Variants in IGF1 observed in about 807,000 individuals in gnomAD.
IGF1 encodes the protein insulin like growth factor 1.
Under a neutral mutation model 13.8 loss-of-function variants are expected in IGF1, and 4 were observed. The ratio of observed to expected loss-of-function variants is 0.29; its 90% CI spans 0.14 to 0.66. The LOEUF is 0.66. Among genes scored for constraint, IGF1 ranks in the 30% least tolerant of loss-of-function variants. The pLI, the probability that IGF1 is intolerant of heterozygous loss-of-function variation, is 0.78. For synonymous variants in IGF1, 76 were observed against 72.6 expected, an observed-to-expected ratio of 1.05 and a Z score of -0.23; for missense variants, 124 against 188.5, an observed-to-expected ratio of 0.66 and a Z score of 2.00.
At chr12:102,406,858 C>T (rs1318578525) in intron 3 of IGF1, among the ~76,000 whole-genome samples, 3 of 151,796 alleles carry the variant, frequency 2.0e-5, no homozygotes, top group Admixed American at 6.6e-5. Flanking sequence ...TTTGGGAGGC[C>T]GAGGTGGGCA....
At chr12:102,475,620 C>T (rs1880969800) in intron 2 of IGF1, 23 bp downstream of exon 2, 2 of 1,613,634 alleles carry the variant, frequency 1.2e-6, no homozygotes, top group Middle Eastern at 1.6e-4. Context: ...TTGAGCAGCA[C>T]ATTGAGAGGG....
chr12:102,445,097 T>C (rs1164696617), intron 2 of IGF1, among the ~76,000 whole-genome samples: 2 of 152,138 alleles, frequency 1.3e-5, no homozygotes, highest in African/African-American at 4.8e-5. Context: ...TTGGTCGATA[T>C]ATCTGTTTAG....
rs776156617 is a variant in IGF1, at chr12:102,406,536, CTA to C, written c.403-3972_403-3971del. Reference sequence around the variant, plus strand: ...CCTATTGACACCAACGAAGGTAAGACTATTAAGAAAACATTGATCCTCCAGCT... The same window carrying C: ...CCTATTGACACCAACGAAGGTAAGACTTAAGAAAACATTGATCCTCCAGCT... On this transcript the variant is annotated intron_variant, in intron 3 of 3. Coordinates refer to ENST00000337514, the MANE Select transcript of IGF1 (RefSeq NM_000618.5). Among the ~76,000 whole-genome samples the C allele has an allele frequency of 1.6e-4, 24 of 152,136 alleles. 1 individual carries two copies. The highest frequency in any genetic ancestry group is 2.6e-4 in the Admixed American group (4 of 15,286).
At position 102,399,124 on chromosome 12, in the gene IGF1, T is replaced by TGC. The variant is rs1470206787; in HGVS notation, c.*3382_*3383insGC. 1 of 152,432 alleles carries TGC rather than the reference T, an allele frequency of 6.6e-6. No individual in the cohort carries two copies. The allele number at this position is 152,432 out of a possible 1,614,324, so 9.4% of individuals were successfully genotyped here. ...TAGGGTGAATGTGTGTGTGTGTGTG[T>TGC]GTGTGTGTGTGTGTGTGTGTGTCTG... On this transcript the variant is annotated 3_prime_UTR_variant, in exon 4 of 4. Coordinates refer to ENST00000337514, the MANE Select transcript of IGF1 (RefSeq NM_000618.5).
chr12:102,410,633 G>A (rs1395742935), intron 3 of IGF1, among the ~76,000 whole-genome samples: 1 of 152,196 alleles, frequency 6.6e-6, no homozygotes, highest in Non-Finnish European at 1.5e-5. Flanking sequence ...CTATTGCAGT[G>A]TTCTTGGGAG....
chr12:102,421,637 T>A (rs779413888), intron 2 of IGF1, among the ~76,000 whole-genome samples: 73 of 152,206 alleles, frequency 4.8e-4, no homozygotes, highest in Non-Finnish European at 9.8e-4. Flanking sequence ...GTAATTGGGA[T>A]TCATTTGTTG....
At chr12:102,441,691 G>A (rs1458509800) in intron 2 of IGF1, among the ~76,000 whole-genome samples, 1 of 152,132 alleles carries the variant, frequency 6.6e-6, no homozygotes, top group Non-Finnish European at 1.5e-5. Context: ...CAAGGAGACT[G>A]GAAAACCTGA....
At chr12:102,460,825 A>T (rs1322882704) in intron 2 of IGF1, among the ~76,000 whole-genome samples, 1 of 152,212 alleles carries the variant, frequency 6.6e-6, no homozygotes, top group Non-Finnish European at 1.5e-5. Context: ...GTTTTGGTCT[A>T]AGTCCAATAC....
At chr12:102,452,793 G>A (rs1232128666) in intron 2 of IGF1, among the ~76,000 whole-genome samples, 7 of 152,170 alleles carry the variant, frequency 4.6e-5, no homozygotes, top group South Asian at 2.1e-4. Context: ...AAAGAGGAGC[G>A]CTTGGGCTGG....
intron 2 of IGF1, among the ~76,000 whole-genome samples, chr12:102,430,934 G>T (rs915751006): frequency 4.6e-5 from 7 of 152,110 alleles, no homozygotes; most frequent in African/African-American, 1.7e-4. Context: ...TTTTCTTGGT[G>T]CTCAACAGGT....
intron 2 of IGF1, among the ~76,000 whole-genome samples, chr12:102,441,953 T>TTCTTCTTCTTCTTCTTTTCTTCTTCTTC (rs1555244154): frequency 2.9e-5 from 4 of 140,198 alleles, no homozygotes; most frequent in Non-Finnish European, 6.3e-5. Flanking sequence ...CTTCTTCTTC[T>TTCTTCTTCTTCTTCTTTTCTTCTTCTTC]TCTTTTTTTT....
chr12:102,437,240 G>GC (rs1353962285), intron 2 of IGF1, among the ~76,000 whole-genome samples: 2 of 152,202 alleles, frequency 1.3e-5, no homozygotes, highest in African/African-American at 2.4e-5. Context: ...AGTCTCTCAT[G>GC]CAACGGCCAC....
chr12:102,467,519 A>G (rs1267779835), intron 2 of IGF1, among the ~76,000 whole-genome samples: 1 of 152,244 alleles, frequency 6.6e-6, no homozygotes, highest in Non-Finnish European at 1.5e-5. Context: ...ATAATATACA[A>G]TAATAGTCAA....
chr12:102,478,241 C>T (rs1454377060), intron 1 of IGF1, among the ~76,000 whole-genome samples: 1 of 130,640 alleles, frequency 7.7e-6, no homozygotes, highest in Admixed American at 7.5e-5. Flanking sequence ...TTGCCAAACA[C>T]AAAAGAAATC....
At chr12:102,404,124 T>G (rs920972996) in intron 3 of IGF1, among the ~76,000 whole-genome samples, 1 of 152,198 alleles carries the variant, frequency 6.6e-6, no homozygotes, top group African/African-American at 2.4e-5. Context: ...CAGAGAGCCC[T>G]CTACAGAAGG....
chr12:102,450,354 T>C (rs539213375), intron 2 of IGF1, among the ~76,000 whole-genome samples: 3 of 152,332 alleles, frequency 2.0e-5, no homozygotes, highest in East Asian at 3.9e-4. Flanking sequence ...TGACAGGAAT[T>C]GTATTTGCCT....
Position 102,475,797 on chromosome 12 carries a change from C to T in IGF1, c.66G>A (p.Val22=), listed in dbSNP as rs749258646. 1.7e-5 allele frequency: 27 copies of T among 1,612,296 alleles called. No individual in the cohort carries two copies. In the Admixed American group the frequency reaches 4.2e-4, roughly 25 times the overall value. Residue 22 remains valine (V), a splice_region_variant and synonymous_variant, in exon 2 of 4, where the codon GTG becomes GTA. Coordinates refer to ENST00000337514, the MANE Select transcript of IGF1 (RefSeq NM_000618.5). Reference sequence around the variant, plus strand: ...GCGAGGAGGACATGGTGTGCATCTTCACCTGCCCAAGAAACAGAGGGAGGG... The same window carrying T: ...GCGAGGAGGACATGGTGTGCATCTTTACCTGCCCAAGAAACAGAGGGAGGG... ...FKCCFCDFLK[V]KMHTMSSSHL... is the part of the protein sequence containing the mutation.
At chr12:102,427,705 C>T (rs1876333052) in intron 2 of IGF1, among the ~76,000 whole-genome samples, 1 of 152,128 alleles carries the variant, frequency 6.6e-6, no homozygotes, top group African/African-American at 2.4e-5. Context: ...TAAAGAGAGG[C>T]ATCCGGGCCT....
intron 2 of IGF1, among the ~76,000 whole-genome samples, chr12:102,445,669 A>G (rs534033487): frequency 1.4e-4 from 22 of 152,374 alleles, no homozygotes; most frequent in African/African-American, 4.8e-4. Flanking sequence ...ATATACAATC[A>G]TGTCATCTGC....
Sources: allele counts gnomAD v4.1 joint callset (sites outside exome capture counted in the v4.1 genomes callset), GRCh38; gene constraint gnomAD v4.1.1; transcripts MANE v1.5; gene names NCBI Gene and HGNC (gene_info 2026-07-23, HGNC 2026-07-21).